RIN2: variants seen among roughly 807,000 people sequenced by gnomAD.
RIN2 encodes Ras and Rab interactor 2, also known as RAB5 interacting protein 2.
In RIN2, 36 loss-of-function variants were observed where a neutral mutation model predicts 78.0. The ratio of observed to expected loss-of-function variants is 0.46; its 90% confidence interval spans 0.35 to 0.61. The LOEUF is 0.61. RIN2 is among the 20% of genes least tolerant of loss of function. The pLI is 0.00. For missense variants in RIN2, 1,087 were observed against 1,159.7 expected (o/e 0.94, Z 0.91); for synonymous variants, 466 against 466.8 (o/e 1.00, Z 0.02).
At chr20:19,844,650 T>TCCTC (rs1255425091) in intron 2 of RIN2, among the ~76,000 whole-genome samples, 4 of 127,038 alleles carry the variant, frequency 3.1e-5, no homozygotes, top group African/African-American at 1.2e-4. Flanking sequence ...TTCTTCTTCT[T>TCCTC]CTTCTTCTTC....
rs6035456 is a variant in RIN2, at chr20:19,845,759, T to C, written c.-36-43807T>C. Among the ~76,000 whole-genome samples, 808 of 152,320 alleles carry C rather than the reference T, an allele frequency of 5.3e-3. 8 individuals are homozygous for C. Among genetic ancestry groups the C allele is most frequent in the African/African-American group, 0.019 (789 of 41,572 alleles). ...AGATCCCATTTGTCTATTTTGGCTT[T>C]TGTTGCCATTGCTTTTGGTGTTTTA... is the stretch of plus-strand genomic sequence containing the variant. On this transcript the variant is annotated intron_variant, in intron 2 of 12. Transcript: ENST00000255006.
At chr20:19,942,343 T>G (rs1283511108) in intron 4 of RIN2, among the ~76,000 whole-genome samples, 1 of 152,182 alleles carries the variant, frequency 6.6e-6, no homozygotes, top group Non-Finnish European at 1.5e-5. Context: ...GGTACATCAA[T>G]TTCATTAACG....
chr20:19,996,159 C>G (rs1364878948), intron 11 of RIN2, among the ~76,000 whole-genome samples: 1 of 152,024 alleles, frequency 6.6e-6, no homozygotes, highest in Non-Finnish European at 1.5e-5. Context: ...ACTAAAAATA[C>G]AAAAATTAGC....
chr20:19,997,441 G>A (rs1200737009), intron 12 of RIN2, among the ~76,000 whole-genome samples: 1 of 152,166 alleles, frequency 6.6e-6, no homozygotes, highest in East Asian at 1.9e-4. Flanking sequence ...TCTTAGAATG[G>A]ACAGGTGGGT....
At chr20:19,943,312 C>T (rs544115437) in intron 4 of RIN2, among the ~76,000 whole-genome samples, 5 of 152,300 alleles carry the variant, frequency 3.3e-5, no homozygotes, top group South Asian at 4.1e-4. Context: ...TCTTACCTCC[C>T]GAAATGGCAG....
intron 4 of RIN2, among the ~76,000 whole-genome samples, chr20:19,941,657 C>T (rs1470135349): frequency 1.3e-5 from 2 of 152,114 alleles, no homozygotes; most frequent in African/African-American, 4.8e-5. Context: ...ACTGAGGATT[C>T]TCTACTATGA....
At chr20:19,894,617 C>G (rs139417409) in intron 3 of RIN2, among the ~76,000 whole-genome samples, 37 of 152,276 alleles carry the variant, frequency 2.4e-4, no homozygotes, top group Admixed American at 4.6e-4. Context: ...CTTTCCTGTC[C>G]TATATCCTGT....
intron 9 of RIN2, among the ~76,000 whole-genome samples, chr20:19,982,436 G>C (rs1191037086): frequency 6.6e-6 from 1 of 152,120 alleles, no homozygotes; most frequent in East Asian, 1.9e-4. Flanking sequence ...GGCGGCCCTG[G>C]TGTCATATTT....
chr20:19,968,591 T>G (rs941668256), intron 7 of RIN2, among the ~76,000 whole-genome samples: 2 of 152,132 alleles, frequency 1.3e-5, no homozygotes, highest in African/African-American at 4.8e-5. Context: ...AAACCATCCA[T>G]TAACCAAGGA....
intron 2 of RIN2, among the ~76,000 whole-genome samples, chr20:19,825,037 C>T (rs111848887): frequency 0.012 from 1,821 of 152,272 alleles, 20 homozygotes; most frequent in African/African-American, 0.028. Context: ...CAGCATGGCC[C>T]GCCTTGTCAC....
At chr20:19,849,625 A>T (rs970452848) in intron 2 of RIN2, among the ~76,000 whole-genome samples, 3 of 152,182 alleles carry the variant, frequency 2.0e-5, no homozygotes, top group Admixed American at 1.3e-4. Context: ...GGCACCACGG[A>T]CTGTTTTTCT....
intron 2 of RIN2, among the ~76,000 whole-genome samples, chr20:19,884,411 G>A (rs1004706797): frequency 3.9e-5 from 6 of 152,082 alleles, no homozygotes; most frequent in Admixed American, 3.3e-4. Context: ...GCAACAGAGC[G>A]AGACCCTGTC....
At chr20:19,972,136 T>G (rs945083698) in intron 8 of RIN2, among the ~76,000 whole-genome samples, 5 of 152,166 alleles carry the variant, frequency 3.3e-5, no homozygotes, top group African/African-American at 1.2e-4. Flanking sequence ...AAGAGAATAC[T>G]GGTAAAACTC....
intron 2 of RIN2, among the ~76,000 whole-genome samples, chr20:19,860,006 A>C (rs2123269731): frequency 6.6e-6 from 1 of 152,314 alleles, no homozygotes; most frequent in East Asian, 1.9e-4. Context: ...ACTGAATCCC[A>C]CTGAAAAACT....
At chr20:19,807,054 C>T (rs1184816632) in intron 2 of RIN2, among the ~76,000 whole-genome samples, 3 of 152,190 alleles carry the variant, frequency 2.0e-5, no homozygotes, top group East Asian at 1.9e-4. Flanking sequence ...ACTTAGCACA[C>T]GCTAAGTCCA....
intron 1 of RIN2, among the ~76,000 whole-genome samples, chr20:19,793,586 G>T (rs181054746): frequency 1.3e-5 from 2 of 152,094 alleles, no homozygotes; most frequent in South Asian, 4.1e-4. Flanking sequence ...TAATCCTGAG[G>T]TTTTCACAAA....
intron 3 of RIN2, among the ~76,000 whole-genome samples, chr20:19,912,479 T>C (rs1209236959): frequency 3.7e-5 from 5 of 133,926 alleles, no homozygotes; most frequent in African/African-American, 9.9e-5. Context: ...CTTTTTCTTT[T>C]TTTTTTTTTT....
intron 2 of RIN2, among the ~76,000 whole-genome samples, chr20:19,812,610 T>A (rs1378220498): frequency 6.6e-6 from 1 of 152,202 alleles, no homozygotes; most frequent in Non-Finnish European, 1.5e-5. Flanking sequence ...TTATTTTCTG[T>A]AAGTTCAAAA....
chr20:19,969,919 T>C (rs969747534), intron 7 of RIN2, among the ~76,000 whole-genome samples: 1 of 152,222 alleles, frequency 6.6e-6, no homozygotes, highest in Non-Finnish European at 1.5e-5. Context: ...AGCATGGTCC[T>C]AACCTTTGTG....
Sources: allele counts gnomAD v4.1 joint callset (sites outside exome capture counted in the v4.1 genomes callset), GRCh38; gene constraint gnomAD v4.1.1; transcripts MANE v1.5; gene names NCBI Gene and HGNC (gene_info 2026-07-23, HGNC 2026-07-21).